The following PHF8 variants were observed in gnomAD, a reference collection of about 807,000 sequenced individuals.
PHF8 encodes PHD finger protein 8.
In PHF8, 9 loss-of-function variants were observed where a neutral mutation model predicts 74.4. The ratio of observed to expected loss-of-function variants is 0.12; its 90% CI spans 0.07 to 0.21. The LOEUF (loss-of-function observed/expected upper bound fraction) is 0.21. Among genes scored for constraint, PHF8 ranks in the 10% least tolerant of loss-of-function variants. The pLI, the probability that PHF8 is intolerant of heterozygous loss-of-function variation, is 1.00. For missense variants in PHF8, 478 were observed against 816.6 expected (o/e 0.59, Z 5.05); for synonymous variants, 311 against 316.6 (o/e 0.98, Z 0.19).
At position 53,943,036 on chromosome X, in the gene PHF8, A is replaced by G. The variant is rs182526210; in HGVS notation, c.2649+1098T>C. On this transcript the variant is annotated intron_variant, in intron 20 of 21. Coordinates refer to ENST00000338154, the MANE Select transcript of PHF8 (RefSeq NM_015107.3). Reference sequence around the variant, plus strand: ...GCTTAGCTTGCAAAGCCCCTCCCCAATTTCAAAACCTCTTCTTTGAGGTTA... The same window carrying G: ...GCTTAGCTTGCAAAGCCCCTCCCCAGTTTCAAAACCTCTTCTTTGAGGTTA... The G allele has an allele frequency of 6.4e-5, 50 of 782,726 alleles. No homozygotes were observed. The Admixed American group carries it at 3.5e-3, about 54-fold the overall frequency. The allele number at this position is 782,726 out of a possible 1,213,427, so 64.5% of individuals were successfully genotyped here.
In PHF8 at chrX:54,025,828, T is replaced by G. The variant is rs1242182289; in HGVS notation, c.99-2985A>C. Among the ~76,000 whole-genome samples the G allele has an allele frequency of 8.1e-5, 9 of 111,023 alleles. No homozygotes were observed. The East Asian group carries it at 2.6e-3, about 32-fold the overall frequency. On this transcript the variant is annotated intron_variant, in intron 2 of 21. Coordinates refer to ENST00000338154, the MANE Select transcript of PHF8 (RefSeq NM_015107.3). ...CCCTCAAAACTCTTTATCCTCATAC[T>G]TTTCACCTATTCACACATTCTTGAC... is the stretch of plus-strand genomic sequence containing the variant.
chrX:54,026,303 G>A (rs930773311), intron 2 of PHF8, among the ~76,000 whole-genome samples: 6 of 101,047 alleles, frequency 5.9e-5, no homozygotes, highest in Non-Finnish European at 1.2e-4. Flanking sequence ...GCAGTGAGCC[G>A]AGATCATGCC....
rs2064700373 is a variant in PHF8, at chrX:53,938,479, C to T, written c.*679G>A. On this transcript the variant is annotated 3_prime_UTR_variant, in exon 22 of 22. Transcript: ENST00000338154. Reference sequence around the variant, plus strand: ...CGTGGTCAAAGGCTTGGGCATCTGACCTCTCCCTACCTTGACAAGTGATAG... The same window carrying T: ...CGTGGTCAAAGGCTTGGGCATCTGATCTCTCCCTACCTTGACAAGTGATAG... 5 of 770,353 alleles carry T rather than the reference C, an allele frequency of 6.5e-6. No homozygotes were observed. Among genetic ancestry groups the T allele is most frequent in the Non-Finnish European group, 6.2e-6 (4 of 649,605 alleles). The allele number at this position is 770,353 out of a possible 1,213,427, so 63.5% of individuals were successfully genotyped here.
At chrX:53,968,136 A>G (rs1476634657) in intron 18 of PHF8, among the ~76,000 whole-genome samples, 1 of 111,432 alleles carries the variant, frequency 9.0e-6, no homozygotes, top group African/African-American at 3.3e-5. Context: ...AAAAAAAAAA[A>G]AAAAGTGAAA....
intron 4 of PHF8, among the ~76,000 whole-genome samples, chrX:54,019,735 C>T: frequency 1.0e-5 from 1 of 96,305 alleles, no homozygotes; most frequent in Admixed American, 1.2e-4. Context: ...GTGCAGTGAG[C>T]TGAGATTGCA....
intron 18 of PHF8, among the ~76,000 whole-genome samples, chrX:53,970,582 T>TA (rs1465432305): frequency 4.5e-5 from 5 of 111,526 alleles, no homozygotes; most frequent in Non-Finnish European, 9.4e-5. Context: ...GACCCATCAG[T>TA]ATGCTGTCTT....
chrX:54,027,160 A>G (rs1220299449), intron 2 of PHF8, among the ~76,000 whole-genome samples: 1 of 109,959 alleles, frequency 9.1e-6, no homozygotes, highest in African/African-American at 3.3e-5. Context: ...AGTATCTTCA[A>G]TCTCTCTCTT....
At chrX:54,046,310 C>T (rs1407544206), upstream of PHF8, among the ~76,000 whole-genome samples, 1 of 110,597 alleles carries the variant, frequency 9.0e-6, no homozygotes, top group Admixed American at 9.7e-5. Flanking sequence ...AATAGCCGGG[C>T]GCGGTGGCTC....
chrX:53,995,308 T>C (rs2065729171), intron 12 of PHF8: 4 of 336,076 alleles, frequency 1.2e-5, no homozygotes, highest in Non-Finnish European at 2.4e-5. Flanking sequence ...CAGAATTTAC[T>C]GTGCACCTAC....
chrX:54,037,916 A>G (rs781963996), intron 2 of PHF8, among the ~76,000 whole-genome samples: 3 of 112,689 alleles, frequency 2.7e-5, no homozygotes, highest in South Asian at 7.2e-4. Context: ...ATTTGCTAAT[A>G]TGTAACAGAA....
chrX:53,959,053 A>AT, intron 19 of PHF8, among the ~76,000 whole-genome samples: 1 of 111,577 alleles, frequency 9.0e-6, no homozygotes, highest in Admixed American at 9.6e-5. Flanking sequence ...CATGGAACTG[A>AT]TATCTTGTAG....
chrX:53,962,006 C>T (rs1227192683), intron 19 of PHF8, among the ~76,000 whole-genome samples: 3 of 112,299 alleles, frequency 2.7e-5, no homozygotes, highest in African/African-American at 9.7e-5. Context: ...TTGAAAAGTG[C>T]TTGCACATTG....
intron 18 of PHF8, among the ~76,000 whole-genome samples, chrX:53,966,064 C>A (rs59035790): frequency 0.07 from 7,815 of 111,573 alleles, 379 homozygotes; most frequent in East Asian, 0.4. Flanking sequence ...ACAAAAAGAA[C>A]AAAAAGCAGC....
chrX:53,985,711 A>G, intron 17 of PHF8, 105 bp downstream of exon 17: 1 of 1,170,577 alleles, frequency 8.5e-7, no homozygotes, highest in Non-Finnish European at 1.2e-6. Flanking sequence ...TTGTCCCTTT[A>G]AATAGCTCTA....
chrX:53,948,221 G>A (rs1330469391), intron 19 of PHF8, among the ~76,000 whole-genome samples: 1 of 111,952 alleles, frequency 8.9e-6, no homozygotes, highest in African/African-American at 3.3e-5. Flanking sequence ...AAGATCTTAG[G>A]GAATTATTAC....
chrX:53,943,916 G>C (rs1363183598), intron 20 of PHF8, among the ~76,000 whole-genome samples: 1 of 111,973 alleles, frequency 8.9e-6, no homozygotes, highest in African/African-American at 3.2e-5. Context: ...CTTTCATCCT[G>C]AATCATGTCA....
intron 2 of PHF8, among the ~76,000 whole-genome samples, chrX:54,031,963 A>C (rs1227346609): frequency 9.0e-6 from 1 of 111,401 alleles, no homozygotes; most frequent in Non-Finnish European, 1.9e-5. Flanking sequence ...GGTGATGCTG[A>C]TGCTGCTGGT....
At chrX:54,033,663 G>A (rs1040901962) in intron 2 of PHF8, among the ~76,000 whole-genome samples, 8 of 109,394 alleles carry the variant, frequency 7.3e-5, no homozygotes, top group East Asian at 5.7e-4. Context: ...GCAGTGAGCC[G>A]AGATCGCACC....
At chrX:54,032,266 G>A (rs1301170584) in intron 2 of PHF8, among the ~76,000 whole-genome samples, 1 of 111,252 alleles carries the variant, frequency 9.0e-6, no homozygotes, top group Non-Finnish European at 1.9e-5. Context: ...TGGGATCCAA[G>A]AATTGGCCTA....
Sources: gnomAD v4.1 joint callset for allele counts (sites outside exome capture counted in the v4.1 genomes callset) on GRCh38, gnomAD v4.1.1 for gene constraint, MANE v1.5 for transcripts, NCBI Gene and HGNC (gene_info 2026-07-23, HGNC 2026-07-21) for gene names.